Variants in TTC7A observed in about 807,000 individuals in gnomAD.
TTC7A encodes the protein tetratricopeptide repeat domain 7A.
In TTC7A, 110 loss-of-function variants were observed where a neutral mutation model predicts 103.7. The observed-to-expected ratio is 1.06, with a 90% CI of 0.91 to 1.24. TTC7A has a LOEUF of 1.24. Ranked by LOEUF, TTC7A falls within the 50% of genes most tolerant of loss-of-function variation. TTC7A has a pLI of 0.00. For missense variants in TTC7A, 1,340 were observed against 1,116.3 expected, an observed-to-expected ratio of 1.20 and a Z score of -2.86; for synonymous variants, 521 against 467.9, an observed-to-expected ratio of 1.11 and a Z score of -1.47.
chr2:47,067,864 G>C lies in TTC7A; in HGVS notation c.2356-5838G>C, dbSNP rs539641665. On this transcript the variant is annotated intron_variant, in intron 19 of 19. Coordinates refer to ENST00000319190, the MANE Select transcript of TTC7A (RefSeq NM_020458.4). ...ATGTTCAGATGCTCTTGGTTCTCGG[G>C]GGGGAGTGGAAACCTGGTGCCAAGC... The C allele has an allele frequency of 1.4e-4, 22 of 152,126 alleles. No homozygotes were observed. The East Asian group carries it at 3.5e-3, about 24-fold the overall frequency. 9.4% of individuals were successfully genotyped at this position (152,126 alleles called of 1,614,324 possible).
chr2:46,991,801 G>C (rs1304491975), intron 5 of TTC7A, among the ~76,000 whole-genome samples: 1 of 152,146 alleles, frequency 6.6e-6, no homozygotes, highest in Non-Finnish European at 1.5e-5. Context: ...GGGGGCTGAG[G>C]TTCCCTGTCC....
intron 2 of TTC7A, among the ~76,000 whole-genome samples, chr2:46,923,815 C>T (rs553757025): frequency 1.9e-4 from 29 of 152,216 alleles, no homozygotes; most frequent in African/African-American, 6.5e-4. Context: ...TCACTGCAAC[C>T]TCTGCCTCCC....
intron 19 of TTC7A, among the ~76,000 whole-genome samples, chr2:47,069,805 C>T (rs1573098731): frequency 6.6e-6 from 1 of 152,194 alleles, no homozygotes; most frequent in Non-Finnish European, 1.5e-5. Flanking sequence ...AGGGAGGGCC[C>T]TTTCTGTAGA....
intron 15 of TTC7A, among the ~76,000 whole-genome samples, chr2:47,031,064 T>A (rs949396515): frequency 2.6e-5 from 4 of 152,108 alleles, no homozygotes; most frequent in Non-Finnish European, 4.4e-5. Context: ...GGAGAATCAC[T>A]TGAATCTGGG....
At chr2:46,960,007 G>A (rs569147188) in intron 3 of TTC7A, among the ~76,000 whole-genome samples, 1 of 152,328 alleles carries the variant, frequency 6.6e-6, no homozygotes, top group East Asian at 1.9e-4. Flanking sequence ...TTCATGGAAA[G>A]ACCTATTGTT....
chr2:46,999,042 C>G (rs1027393321), intron 8 of TTC7A, among the ~76,000 whole-genome samples: 5 of 152,106 alleles, frequency 3.3e-5, no homozygotes, highest in Non-Finnish European at 7.4e-5. Context: ...ATATCGATCA[C>G]CGACCCACTT....
At chr2:46,973,971 C>A (rs1404401763) in intron 3 of TTC7A, among the ~76,000 whole-genome samples, 2 of 152,184 alleles carry the variant, frequency 1.3e-5, no homozygotes, top group Non-Finnish European at 2.9e-5. Flanking sequence ...ATCCTGGAGT[C>A]CAGTAGCCAG....
At chr2:47,029,049 A>T (rs1680219287) in intron 14 of TTC7A, among the ~76,000 whole-genome samples, 175 bp from the exon 15 acceptor site, 1 of 151,930 alleles carries the variant, frequency 6.6e-6, no homozygotes, top group African/African-American at 2.4e-5. Flanking sequence ...GTGGCAGCAG[A>T]CCCCTCCTCG....
At chr2:46,994,332 GT>G in intron 6 of TTC7A, 24 bp from the exon 7 acceptor site, 1 of 1,604,170 alleles carries the variant, frequency 6.2e-7, no homozygotes, top group Non-Finnish European at 8.5e-7. Context: ...CTGTGCCTGG[GT>G]CCGAGTGCTT....
chr2:47,073,971 G>T lies in TTC7A; in HGVS notation c.*48G>T. 1 of 1,530,456 alleles carries T rather than the reference G, an allele frequency of 6.5e-7. No homozygotes were observed. Among genetic ancestry groups the T allele is most frequent in the South Asian group, 1.2e-5 (1 of 86,632 alleles). The allele number at this position is 1,530,456 out of a possible 1,614,324, so 94.8% of individuals were successfully genotyped here. A position where few individuals can be genotyped will look rare whatever the true frequency, so the allele number is the denominator to read the frequency against. ...GAGGGGCTGGCCAGAGGGAGAGGCA[G>T]CAGGGAACGTGGGTCAGGGTGGGGC... On this transcript the variant is annotated 3_prime_UTR_variant, in exon 20 of 20. Coordinates refer to ENST00000319190, the MANE Select transcript of TTC7A (RefSeq NM_020458.4).
chr2:47,018,727 T>G (rs746952856), intron 11 of TTC7A, among the ~76,000 whole-genome samples: 7 of 151,812 alleles, frequency 4.6e-5, no homozygotes, highest in Admixed American at 6.6e-5. Context: ...TAATAGTTAT[T>G]TTTTTTTAAG....
At chr2:46,989,247 C>T (rs1675353066) in intron 5 of TTC7A, among the ~76,000 whole-genome samples, 1 of 152,224 alleles carries the variant, frequency 6.6e-6, no homozygotes. Flanking sequence ...AAATGGCTTC[C>T]TGGCTTCTCC....
At position 47,074,002 on chromosome 2, in the gene TTC7A, T is replaced by C. The variant is rs1685009473; in HGVS notation, c.*79T>C. ...AACGTGGGTCAGGGTGGGGCAACAG[T>C]GGCATCAGGTGCGGGGCCTCAGGGA... On this transcript the variant is annotated 3_prime_UTR_variant, in exon 20 of 20. Transcript: ENST00000319190. 1 of 1,127,714 alleles carries C rather than the reference T, an allele frequency of 8.9e-7. No individual in the cohort carries two copies. The highest frequency in any genetic ancestry group is 1.3e-6 in the Non-Finnish European group (1 of 781,352). 69.9% of individuals were successfully genotyped at this position (1,127,714 alleles called of 1,614,324 possible). A position where few individuals can be genotyped will look rare whatever the true frequency, so the allele number is the denominator to read the frequency against.
rs760769318 is a variant in TTC7A, at chr2:46,950,483, C to G, written c.305C>G (p.Ala102Gly). The G allele has an allele frequency of 1.2e-6, 2 of 1,613,982 alleles. No homozygotes were observed. The highest frequency in any genetic ancestry group is 2.7e-5 in the African/African-American group (2 of 74,896). Reference protein sequence around the residue: ...LEKNEPKMSEAKNYLSSILNH... With the variant: ...LEKNEPKMSEGKNYLSSILNH... Reference sequence around the variant, plus strand: ...AAGAATGAGCCGAAGATGAGCGAAGCCAAAAATTATCTAAGCAGTATCCTT... The same window carrying G: ...AAGAATGAGCCGAAGATGAGCGAAGGCAAAAATTATCTAAGCAGTATCCTT... The change falls in exon 2 of 20, where the codon GCC (alanine) becomes GGC (glycine). Residue 102 changes from alanine (A) to glycine (G), a missense_variant. Ala to Gly is a moderately conservative substitution (Grantham distance 60). Coordinates refer to ENST00000319190, the MANE Select transcript of TTC7A (RefSeq NM_020458.4).
At chr2:47,044,012 G>T (rs1022635989) in intron 15 of TTC7A, among the ~76,000 whole-genome samples, 3 of 152,102 alleles carry the variant, frequency 2.0e-5, no homozygotes, top group Non-Finnish European at 4.4e-5. Context: ...AGCAGGGCTG[G>T]CCTGCCCAGG....
intron 1 of TTC7A, among the ~76,000 whole-genome samples, chr2:46,945,035 A>G (rs975527670): frequency 6.6e-6 from 1 of 152,240 alleles, no homozygotes; most frequent in African/African-American, 2.4e-5. Flanking sequence ...GTAAAGGTCA[A>G]AAAAATTTGC....
Position 47,023,459 on chromosome 2 carries a change from T to C in TTC7A, c.1562T>C (p.Leu521Pro), listed in dbSNP as rs1446194827. The change falls in exon 13 of 20, where the codon CTG becomes CCG. Residue 521 changes from leucine to proline, a missense_variant. Physicochemically the swap from Leu to Pro is moderately conservative, Grantham distance 98 (BLOSUM62 -3). Coordinates refer to ENST00000319190, the MANE Select transcript of TTC7A (RefSeq NM_020458.4). The stretch of plus-strand genomic sequence containing the variant: ...TTGCACCGGAAGGCACTGCAGACGC[T>C]GGAGAGGTGAGGAGGCTCCCACCTG... Reference protein sequence around the residue: ...DELHRKALQTLERAQQLAPSD... With the variant: ...DELHRKALQTPERAQQLAPSD... 1.2e-6 allele frequency: 2 copies of C among 1,614,076 alleles called. No individual in the cohort carries two copies. The highest frequency in any genetic ancestry group is 1.7e-5 in the Admixed American group (1 of 60,018).
upstream of TTC7A, among the ~76,000 whole-genome samples, chr2:46,940,964 G>C (rs1246164251): frequency 6.6e-6 from 1 of 152,148 alleles, no homozygotes; most frequent in Non-Finnish European, 1.5e-5. This position sits in a 1 kb window ranked among gnomAD's most constrained non-coding sequence, Gnocchi z 4.7. Flanking sequence ...CCGATGGGAT[G>C]GGGAGGGGGC....
chr2:47,008,840 C>T (rs1307684304), intron 10 of TTC7A, among the ~76,000 whole-genome samples: 1 of 151,376 alleles, frequency 6.6e-6, no homozygotes, highest in Non-Finnish European at 1.5e-5. Context: ...TGATTTAGGT[C>T]GTTCCTTCTC....
Sources: allele counts gnomAD v4.1 joint callset (sites outside exome capture counted in the v4.1 genomes callset), GRCh38; gene constraint gnomAD v4.1.1; non-coding constraint Gnocchi (gnomAD v3.1); transcripts MANE v1.5; gene names NCBI Gene and HGNC (gene_info 2026-07-23, HGNC 2026-07-21).